SCGB2B2: variants seen among roughly 807,000 people sequenced by gnomAD.
SCGB2B2 encodes the protein secretoglobin family 2B member 2, also known as secretoglobin-like protein.
A neutral mutation model predicts 7.6 loss-of-function variants in SCGB2B2; 11 were observed. The observed-to-expected ratio is 1.45, with a 90% CI of 0.91 to 2.40. The LOEUF is 2.40. SCGB2B2 is among the 30% of genes most tolerant of loss of function. The probability of loss-of-function intolerance (pLI) is 0.00; values close to 1 mark genes in which losing one functional copy is unlikely to be tolerated. For synonymous variants in SCGB2B2, 50 were observed against 48.6 expected (o/e 1.03, Z -0.12); for missense variants, 104 against 115.4 (o/e 0.90, Z 0.45).
Position 34,593,494 on chromosome 19 carries a change from G to T in SCGB2B2, c.*61C>A. ...GTAGTGATGAACAGAGCCAGGCCAG[G>T]AACGCGGGGAGCCCCAAGGAAGGCA... On this transcript the variant is annotated 3_prime_UTR_variant, in exon 4 of 4. Coordinates refer to ENST00000601241, the MANE Select transcript of SCGB2B2 (RefSeq NM_001025591.4). 7.6e-7 allele frequency: 1 copy of T among 1,313,170 alleles called. No homozygotes were observed. The highest frequency in any genetic ancestry group is 1.1e-6 in the Non-Finnish European group (1 of 932,662). The allele number at this position is 1,313,170 out of a possible 1,614,324, so 81.3% of individuals were successfully genotyped here. A position where few individuals can be genotyped will look rare whatever the true frequency, so the allele number is the denominator to read the frequency against.
chr19:34,616,087 A>G (rs1462627591), intron 1 of SCGB2B2, among the ~76,000 whole-genome samples: 4 of 148,688 alleles, frequency 2.7e-5, no homozygotes, highest in African/African-American at 7.4e-5. Flanking sequence ...CCAGTCTATC[A>G]TTGTTGGACA....
intron 1 of SCGB2B2, among the ~76,000 whole-genome samples, chr19:34,657,690 G>C (rs1209410542): frequency 1.3e-5 from 2 of 151,892 alleles, no homozygotes; most frequent in Non-Finnish European, 2.9e-5. Flanking sequence ...TAGATCAATG[G>C]AGAGAAGATT....
At chr19:34,620,832 A>AAG (rs1178840242) in intron 1 of SCGB2B2, among the ~76,000 whole-genome samples, 1 of 152,220 alleles carries the variant, frequency 6.6e-6, no homozygotes, top group Non-Finnish European at 1.5e-5. Context: ...TAATGTCAAA[A>AAG]GTTACAAAAA....
intron 1 of SCGB2B2, among the ~76,000 whole-genome samples, chr19:34,603,096 A>T (rs1298613256): frequency 1.3e-5 from 2 of 152,216 alleles, no homozygotes; most frequent in Non-Finnish European, 2.9e-5. Flanking sequence ...GCCACCAGCA[A>T]CAGTTGCAGA....
intron 1 of SCGB2B2, among the ~76,000 whole-genome samples, chr19:34,643,740 T>TA (rs1238957538): frequency 6.6e-6 from 1 of 151,884 alleles, no homozygotes; most frequent in African/African-American, 2.4e-5. Flanking sequence ...AGAATGATGG[T>TA]AAAAGGAGAA....
intron 1 of SCGB2B2, among the ~76,000 whole-genome samples, chr19:34,662,166 C>A (rs759971725): frequency 6.6e-6 from 1 of 152,118 alleles, no homozygotes; most frequent in African/African-American, 2.4e-5. Context: ...AGGTGTGAGC[C>A]ACCGCGCCGG....
At chr19:34,663,413 A>C (rs937770637) in intron 1 of SCGB2B2, among the ~76,000 whole-genome samples, 3 of 152,244 alleles carry the variant, frequency 2.0e-5, no homozygotes, top group Admixed American at 1.3e-4. Context: ...GTGGATTGAT[A>C]GCAACAGCAA....
rs988951254 is a variant in SCGB2B2 at position 34,657,310 on chromosome 19, T to A, written c.-2032+18320A>T. Among the ~76,000 whole-genome samples the A allele has an allele frequency of 3.0e-4, 45 of 151,242 alleles. 1 individual carries two copies. Among genetic ancestry groups the A allele is most frequent in the Non-Finnish European group, 5.1e-4 (35 of 68,012 alleles). On this transcript the variant is annotated intron_variant, in intron 1 of 3. Coordinates refer to ENST00000601241, the MANE Select transcript of SCGB2B2 (RefSeq NM_001025591.4). Reference sequence around the variant, plus strand: ...CCAATTAAAACATAGACTGGCAAATTGGATAAAGAGTCAAGACCCATCAGT... The same window carrying A: ...CCAATTAAAACATAGACTGGCAAATAGGATAAAGAGTCAAGACCCATCAGT...
chr19:34,592,795 G>T lies in SCGB2B2; in HGVS notation c.*760C>A, dbSNP rs752788174. On this transcript the variant is annotated 3_prime_UTR_variant, in exon 4 of 4. Coordinates refer to ENST00000601241, the MANE Select transcript of SCGB2B2 (RefSeq NM_001025591.4). ...ACAGACCCATGGCCTCATGCAGATT[G>T]CCTGGTCCCACCAGCCCCAGGAGCA... Among the ~76,000 whole-genome samples the T allele has an allele frequency of 3.9e-5, 6 of 152,154 alleles. No individual in the cohort carries two copies. The highest frequency in any genetic ancestry group is 8.8e-5 in the Non-Finnish European group (6 of 68,022).
At chr19:34,646,249 C>T (rs1458013613) in intron 1 of SCGB2B2, 1 of 156,724 alleles carries the variant, frequency 6.4e-6, no homozygotes, top group Non-Finnish European at 1.4e-5. Context: ...CTTTTTCAGC[C>T]CTGAACCCAG....
At chr19:34,616,767 A>G (rs1355057686) in intron 1 of SCGB2B2, among the ~76,000 whole-genome samples, 1 of 151,232 alleles carries the variant, frequency 6.6e-6, no homozygotes, top group Non-Finnish European at 1.5e-5. Flanking sequence ...GCCCATGCCT[A>G]TGTCCTGAAT....
At chr19:34,611,840 G>C (rs1456551056) in intron 1 of SCGB2B2, among the ~76,000 whole-genome samples, 4 of 151,240 alleles carry the variant, frequency 2.6e-5, no homozygotes, top group Non-Finnish European at 5.9e-5. Flanking sequence ...TTTTAGTAGA[G>C]ACTGGGTTTC....
intron 1 of SCGB2B2, among the ~76,000 whole-genome samples, chr19:34,644,252 T>G (rs1333695741): frequency 6.6e-6 from 1 of 151,998 alleles, no homozygotes; most frequent in Non-Finnish European, 1.5e-5. Flanking sequence ...CAAGATGGTC[T>G]CAAACTTTTG....
At chr19:34,585,696 C>T (rs536628297), downstream of SCGB2B2, among the ~76,000 whole-genome samples, 15 of 152,188 alleles carry the variant, frequency 9.9e-5, no homozygotes, top group Admixed American at 2.0e-4. Flanking sequence ...GGGTTGAAGA[C>T]GAAAGAATAG....
intron 1 of SCGB2B2, among the ~76,000 whole-genome samples, chr19:34,629,021 C>T (rs1367862135): frequency 1.3e-5 from 2 of 151,892 alleles, no homozygotes; most frequent in Non-Finnish European, 2.9e-5. Context: ...ACAAAAACCA[C>T]ATGATTATCT....
chr19:34,603,182 C>G (rs1328305095), intron 1 of SCGB2B2, among the ~76,000 whole-genome samples: 1 of 152,072 alleles, frequency 6.6e-6, no homozygotes, highest in Non-Finnish European at 1.5e-5. Flanking sequence ...TATGAAAGGA[C>G]AAAGAAAAAG....
chr19:34,668,781 ATC>A (rs1217060448), intron 1 of SCGB2B2, among the ~76,000 whole-genome samples: 1 of 150,732 alleles, frequency 6.6e-6, no homozygotes, highest in African/African-American at 2.5e-5. Context: ...TATCTAGCTA[ATC>A]TAGTGGGGAC....
At chr19:34,669,263 C>T (rs536276442) in intron 1 of SCGB2B2, among the ~76,000 whole-genome samples, 2 of 152,308 alleles carry the variant, frequency 1.3e-5, no homozygotes, top group East Asian at 1.9e-4. Context: ...ACATGTGTTC[C>T]TAATGCACTT....
intron 1 of SCGB2B2, among the ~76,000 whole-genome samples, chr19:34,625,243 A>C (rs10418926): frequency 0.31 from 47,861 of 151,958 alleles, 8,349 homozygotes; most frequent in Middle Eastern, 0.47. Context: ...TACCGGGTTC[A>C]TCTCACTGTG....
Sources: allele counts gnomAD v4.1 joint callset (sites outside exome capture counted in the v4.1 genomes callset), GRCh38; gene constraint gnomAD v4.1.1; transcripts MANE v1.5; gene names NCBI Gene and HGNC (gene_info 2026-07-23, HGNC 2026-07-21).